CDH12: variants seen among roughly 807,000 people sequenced by gnomAD.
The protein encoded by CDH12 is cadherin-12.
Under a neutral mutation model 74.1 loss-of-function variants are expected in CDH12, and 41 were observed. The ratio of observed to expected loss-of-function variants is 0.55; its 90% CI spans 0.43 to 0.72. The LOEUF is 0.72. Among genes scored for constraint, CDH12 ranks in the 30% least tolerant of loss-of-function variants. The pLI is 0.00. For synonymous variants in CDH12, 399 were observed against 355.0 expected (o/e 1.12, Z -1.39); for missense variants, 945 against 977.2 (o/e 0.97, Z 0.44).
At chr5:22,654,688 T>G (rs1314327644) in intron 1 of CDH12, among the ~76,000 whole-genome samples, 1 of 151,170 alleles carries the variant, frequency 6.6e-6, no homozygotes, top group Non-Finnish European at 1.5e-5. Flanking sequence ...TAGGCTGGAG[T>G]GCAATGTCTC....
At chr5:22,115,074 C>T (rs1228791394) in intron 4 of CDH12, among the ~76,000 whole-genome samples, 1 of 152,132 alleles carries the variant, frequency 6.6e-6, no homozygotes, top group Non-Finnish European at 1.5e-5. Flanking sequence ...TCTACATTCT[C>T]TTTTAACCAC....
chr5:22,509,090 G>C (rs1452609740), intron 1 of CDH12, among the ~76,000 whole-genome samples: 1 of 152,164 alleles, frequency 6.6e-6, no homozygotes, highest in Admixed American at 6.5e-5. Context: ...CAGTGTGTAT[G>C]GCTAAGGCAG....
At chr5:22,261,513 G>A (rs982469316) in intron 3 of CDH12, among the ~76,000 whole-genome samples, 2 of 151,932 alleles carry the variant, frequency 1.3e-5, no homozygotes, top group Non-Finnish European at 2.9e-5. Context: ...GCTCTTTGGA[G>A]GTTTATAATA....
At chr5:22,014,252 C>A (rs1366650893) in intron 5 of CDH12, among the ~76,000 whole-genome samples, 1 of 152,068 alleles carries the variant, frequency 6.6e-6, no homozygotes, top group Non-Finnish European at 1.5e-5. Flanking sequence ...ACAACAATAA[C>A]AACAAAAACA....
chr5:21,996,876 A>C (rs1736332617), intron 5 of CDH12, among the ~76,000 whole-genome samples: 1 of 152,190 alleles, frequency 6.6e-6, no homozygotes, highest in Admixed American at 6.6e-5. Context: ...CATCAAGTTC[A>C]AGCTCCAGTA....
intron 2 of CDH12, among the ~76,000 whole-genome samples, chr5:22,498,901 C>CTTTTTTTTTTTTTT (rs34550762): frequency 8.2e-5 from 6 of 73,434 alleles, no homozygotes; most frequent in Non-Finnish European, 1.3e-4. Flanking sequence ...TTTTCTGTTT[C>CTTTTTTTTTTTTTT]TTTTTTTTTT....
Position 22,348,830 on chromosome 5 carries a change from G to A in CDH12, c.-333+56427C>T, listed in dbSNP as rs573157243. 1.1e-4 allele frequency among the ~76,000 whole-genome samples: 17 copies of A among 152,284 alleles called. No individual in the cohort carries two copies. The East Asian group carries it at 1.2e-3, about 10-fold the overall frequency. The stretch of plus-strand genomic sequence containing the variant: ...GAATTCAGCATAACTAGACAATGCC[G>A]TGAGCCTTCCATTCCAGTGATGGCA... On this transcript the variant is annotated intron_variant, in intron 3 of 14. Coordinates refer to ENST00000382254, the MANE Select transcript of CDH12 (RefSeq NM_004061.5).
intron 4 of CDH12, among the ~76,000 whole-genome samples, chr5:22,105,061 C>A (rs1046475001): frequency 6.6e-6 from 1 of 151,850 alleles, no homozygotes; most frequent in African/African-American, 2.4e-5. Context: ...TTTCCCTGCG[C>A]GTATGTCTGT....
chr5:22,683,084 G>T (rs934731231), intron 1 of CDH12, among the ~76,000 whole-genome samples: 1 of 151,972 alleles, frequency 6.6e-6, no homozygotes, highest in Non-Finnish European at 1.5e-5. Context: ...ATGATCTATT[G>T]TTCTCTGAGC....
chr5:21,984,155 T>A (rs1757421562), intron 5 of CDH12, among the ~76,000 whole-genome samples: 1 of 152,158 alleles, frequency 6.6e-6, no homozygotes, highest in South Asian at 2.1e-4. Context: ...TTTTGAGTTG[T>A]ATTTATTGAT....
At chr5:22,418,198 CTT>C (rs1743482587) in intron 2 of CDH12, among the ~76,000 whole-genome samples, 1 of 152,010 alleles carries the variant, frequency 6.6e-6, no homozygotes, top group Non-Finnish European at 1.5e-5. Context: ...ATTTTAGTCT[CTT>C]TGTAGCAATT....
rs200434074 is a variant in CDH12 at position 22,283,279 on chromosome 5, T to C, written c.-332-70636A>G. On this transcript the variant is annotated intron_variant, in intron 3 of 14. Coordinates refer to ENST00000382254, the MANE Select transcript of CDH12 (RefSeq NM_004061.5). ...ACACACACACACACACACACACATA[T>C]ACACACATATATATATAGCATTTAC... is the stretch of plus-strand genomic sequence containing the variant. Among the ~76,000 whole-genome samples, 772 of 85,216 alleles carry C rather than the reference T, an allele frequency of 9.1e-3. 13 individuals are homozygous for C. The highest frequency in any genetic ancestry group is 0.065 in the East Asian group (186 of 2,846). The allele number at this position is 85,216 out of a possible 152,430, so 55.9% of individuals were successfully genotyped here.
At chr5:21,864,482 GC>G in intron 6 of CDH12, among the ~76,000 whole-genome samples, 1 of 152,110 alleles carries the variant, frequency 6.6e-6, no homozygotes, top group Non-Finnish European at 1.5e-5. Context: ...ATGGAATCAT[GC>G]AGAAAGAGTG....
intron 1 of CDH12, among the ~76,000 whole-genome samples, chr5:22,550,894 G>A (rs1336575823): frequency 6.6e-6 from 1 of 152,126 alleles, no homozygotes; most frequent in Non-Finnish European, 1.5e-5. Context: ...AGCCAGGTGA[G>A]GCTTTTTCTT....
intron 6 of CDH12, among the ~76,000 whole-genome samples, chr5:21,923,117 G>A (rs997557619): frequency 2.6e-5 from 4 of 151,962 alleles, no homozygotes; most frequent in African/African-American, 9.7e-5. Flanking sequence ...TTGTTTTAAT[G>A]CAATAAAGTT....
chr5:22,152,980 T>C (rs554289750), intron 4 of CDH12, among the ~76,000 whole-genome samples: 22 of 152,266 alleles, frequency 1.4e-4, no homozygotes, highest in Non-Finnish European at 2.8e-4. Flanking sequence ...ATTGTGTACA[T>C]ATGCCACAAT....
chr5:22,655,138 C>A (rs1739967782), intron 1 of CDH12, among the ~76,000 whole-genome samples: 1 of 152,152 alleles, frequency 6.6e-6, no homozygotes, highest in South Asian at 2.1e-4. Context: ...AATCATGAAG[C>A]ATTGTGAATT....
chr5:22,546,396 T>C (rs999087286), intron 1 of CDH12, among the ~76,000 whole-genome samples: 1 of 152,212 alleles, frequency 6.6e-6, no homozygotes, highest in African/African-American at 2.4e-5. Flanking sequence ...AAATGAGAGA[T>C]GTCTGAAAGC....
At chr5:22,204,162 G>GGTTTTTTTTTTTTTTTTTTTTTTT (rs1554020485) in intron 4 of CDH12, among the ~76,000 whole-genome samples, 4 of 129,842 alleles carry the variant, frequency 3.1e-5, no homozygotes, top group Non-Finnish European at 6.9e-5. Context: ...TGTTTTGTTT[G>GGTTTTTTTTTTTTTTTTTTTTTTT]TTTTTTTTTT....
Sources: allele counts gnomAD v4.1 joint callset (sites outside exome capture counted in the v4.1 genomes callset), GRCh38; gene constraint gnomAD v4.1.1; transcripts MANE v1.5; gene names NCBI Gene and HGNC (gene_info 2026-07-23, HGNC 2026-07-21).